The following SLCO3A1 variants were observed in gnomAD, a reference collection of about 807,000 sequenced individuals.
SLCO3A1 encodes the protein solute carrier organic anion transporter family member 3A1.
In SLCO3A1, 27 loss-of-function variants were observed where a neutral mutation model predicts 63.1. That is an observed-to-expected ratio of 0.43 (90% CI 0.32 to 0.59). The LOEUF (loss-of-function observed/expected upper bound fraction) is 0.59, where lower values mean the gene tolerates loss of function less well. SLCO3A1 is among the 20% of genes least tolerant of loss of function. The probability of loss-of-function intolerance (pLI) is 0.09; values close to 1 mark genes in which losing one functional copy is unlikely to be tolerated. For synonymous variants in SLCO3A1, 473 were observed against 409.9 expected (o/e 1.15, Z -1.86); for missense variants, 773 against 945.8 (o/e 0.82, Z 2.40).
chr15:92,165,684 C>T lies in SLCO3A1; in HGVS notation c.*2549C>T, dbSNP rs1029679945. The T allele has an allele frequency of 2.0e-6, 2 of 985,040 alleles. No homozygotes were observed. The highest frequency in any genetic ancestry group is 2.4e-6 in the Non-Finnish European group (2 of 829,814). 61.0% of individuals were successfully genotyped at this position (985,040 alleles called of 1,614,324 possible). ...AGGATGGCTCTGAATTCTGTTGTGT[C>T]GTCTTTTAAAATTTTAATTATTCTC... On this transcript the variant is annotated 3_prime_UTR_variant, in exon 10 of 10. Coordinates refer to ENST00000318445, the MANE Select transcript of SLCO3A1 (RefSeq NM_013272.4).
chr15:92,049,818 T>C (rs74030431), intron 2 of SLCO3A1, among the ~76,000 whole-genome samples: 1 of 152,128 alleles, frequency 6.6e-6, no homozygotes, highest in African/African-American at 2.4e-5. Context: ...TGGAATTGTT[T>C]AAGGCCCAGC....
At chr15:91,913,595 T>TG (rs982850039) in intron 1 of SLCO3A1, among the ~76,000 whole-genome samples, 8 of 151,058 alleles carry the variant, frequency 5.3e-5, no homozygotes, top group Admixed American at 2.0e-4. Context: ...GCTATAGCAT[T>TG]TTTTTGGTTT....
intron 2 of SLCO3A1, among the ~76,000 whole-genome samples, chr15:92,071,572 A>T (rs1042387012): frequency 3.9e-5 from 6 of 152,276 alleles, no homozygotes; most frequent in South Asian, 2.1e-4. Context: ...CCAGCACTAG[A>T]TTTTACAAAG....
At chr15:91,858,634 C>T (rs989353827) in intron 1 of SLCO3A1, among the ~76,000 whole-genome samples, 32 of 152,240 alleles carry the variant, frequency 2.1e-4, no homozygotes, top group African/African-American at 7.2e-4. Context: ...GGCCTCTCTG[C>T]AGTGGCACCG....
chr15:92,035,150 G>A (rs2046708682), intron 2 of SLCO3A1, among the ~76,000 whole-genome samples: 1 of 151,872 alleles, frequency 6.6e-6, no homozygotes, highest in South Asian at 2.1e-4. Flanking sequence ...CTCCCATACC[G>A]GCCATGTACA....
At chr15:92,161,464 G>C (rs538964919) in intron 9 of SLCO3A1, 1 of 152,276 alleles carries the variant, frequency 6.6e-6, no homozygotes, top group East Asian at 1.9e-4. Context: ...GAAGGGGAAC[G>C]GTTTTCATCT....
At chr15:91,926,558 C>CGTGTGTGTGT (rs565234731) in intron 2 of SLCO3A1, among the ~76,000 whole-genome samples, 7,861 of 125,840 alleles carry the variant, frequency 0.062, 291 homozygotes, top group Middle Eastern at 0.09. Flanking sequence ...CCTGCCAAGC[C>CGTGTGTGTGT]GTGTGTGTGT....
At chr15:91,979,898 C>T (rs1264959043) in intron 2 of SLCO3A1, among the ~76,000 whole-genome samples, 1 of 152,200 alleles carries the variant, frequency 6.6e-6, no homozygotes, top group Non-Finnish European at 1.5e-5. Flanking sequence ...CATTCATCAG[C>T]TCTACCCACA....
At chr15:92,128,223 C>A (rs1567134409) in intron 6 of SLCO3A1, 128 bp from the exon 7 acceptor site, 3 of 1,123,252 alleles carry the variant, frequency 2.7e-6, no homozygotes, top group East Asian at 2.4e-5. Context: ...GAAGGGAGAA[C>A]CAGGTAACAA....
rs368303797 is a variant in SLCO3A1 at position 91,943,660 on chromosome 15, A to G, written c.646+27202A>G. 2.6e-5 allele frequency among the ~76,000 whole-genome samples: 4 copies of G among 152,262 alleles called. No homozygotes were observed. In the East Asian group the frequency reaches 5.8e-4, roughly 22 times the overall value. On this transcript the variant is annotated intron_variant, in intron 2 of 9. Transcript: ENST00000318445. ...GTTTAATTTTTCGAGGAACCGCCAT[A>G]CTGTTTTTCATACCCAGTGCATAAT... is the stretch of plus-strand genomic sequence containing the variant.
At chr15:91,915,676 G>A (rs928469800) in intron 1 of SLCO3A1, among the ~76,000 whole-genome samples, 2 of 152,152 alleles carry the variant, frequency 1.3e-5, no homozygotes, top group African/African-American at 4.8e-5. Flanking sequence ...GTCTGTGGTG[G>A]AGGTCTGTGG....
At position 91,863,176 on chromosome 15, in the gene SLCO3A1, A is replaced by G. The variant is rs1411120019; in HGVS notation, c.180+9088A>G. ...TGGTGATCCAACCTGTAAAATAAAC[A>G]GTGGGGCTGATTAATCTCTTTGTTG... On this transcript the variant is annotated intron_variant, in intron 1 of 9. Coordinates refer to ENST00000318445, the MANE Select transcript of SLCO3A1 (RefSeq NM_013272.4). This position sits in a 1 kb window ranked among gnomAD's most constrained non-coding sequence, Gnocchi z 4.3. Among the ~76,000 whole-genome samples the G allele has an allele frequency of 6.6e-6, 1 of 152,256 alleles. No individual in the cohort carries two copies. The highest frequency in any genetic ancestry group is 1.5e-5 in the Non-Finnish European group (1 of 68,034).
intron 2 of SLCO3A1, among the ~76,000 whole-genome samples, chr15:91,945,828 C>G (rs1899787938): frequency 6.6e-6 from 1 of 152,094 alleles, no homozygotes; most frequent in Non-Finnish European, 1.5e-5. Flanking sequence ...CCTGGGCTAC[C>G]AAGGAGGCAG....
chr15:91,884,877 C>T (rs72750059), intron 1 of SLCO3A1, among the ~76,000 whole-genome samples: 1 of 151,480 alleles, frequency 6.6e-6, no homozygotes, highest in Non-Finnish European at 1.5e-5. Context: ...TAAGCTGATT[C>T]TTTTAGACCT....
intron 2 of SLCO3A1, among the ~76,000 whole-genome samples, chr15:91,972,488 A>G (rs912524452): frequency 6.6e-6 from 1 of 152,156 alleles, no homozygotes; most frequent in Admixed American, 6.5e-5. Flanking sequence ...TGGCCTTCCA[A>G]CAGACACCAA....
intron 4 of SLCO3A1, among the ~76,000 whole-genome samples, chr15:92,117,388 A>C (rs7179547): frequency 0.74 from 112,598 of 152,076 alleles, 42,820 homozygotes; most frequent in East Asian, 0.94. Flanking sequence ...CTAGACTCTG[A>C]AGATTCTGCA....
chr15:92,118,236 A>G (rs554584297), intron 4 of SLCO3A1, among the ~76,000 whole-genome samples: 1 of 152,258 alleles, frequency 6.6e-6, no homozygotes, highest in East Asian at 1.9e-4. Context: ...TGCCTTTCTA[A>G]TGTTTCAGGA....
chr15:91,962,198 G>A (rs1043388690), intron 2 of SLCO3A1, among the ~76,000 whole-genome samples: 3 of 152,134 alleles, frequency 2.0e-5, no homozygotes, highest in Admixed American at 1.3e-4. Context: ...ATTACAGAGC[G>A]GCCGTGCACA....
chr15:91,945,210 C>T lies in SLCO3A1; in HGVS notation c.646+28752C>T, dbSNP rs573555253. Among the ~76,000 whole-genome samples the T allele has an allele frequency of 3.0e-4, 46 of 152,072 alleles. No individual in the cohort carries two copies. The South Asian group carries it at 4.2e-3, about 14-fold the overall frequency. ...TACAAAAATTAGCTGGGCATGGTGGCGTGTGCCTGTAATCTCAGCTACTTG... is the reference window on the plus strand; with the variant it reads ...TACAAAAATTAGCTGGGCATGGTGGTGTGTGCCTGTAATCTCAGCTACTTG... On this transcript the variant is annotated intron_variant, in intron 2 of 9. Transcript: ENST00000318445.
Sources: gnomAD v4.1 joint callset for allele counts (sites outside exome capture counted in the v4.1 genomes callset) on GRCh38, gnomAD v4.1.1 for gene constraint, Gnocchi (gnomAD v3.1) non-coding constraint, MANE v1.5 for transcripts, NCBI Gene and HGNC (gene_info 2026-07-23, HGNC 2026-07-21) for gene names.